The following PGAP1 variants were observed in gnomAD, a reference collection of about 807,000 sequenced individuals.
PGAP1 encodes the protein post-GPI attachment to proteins inositol deacylase 1, also known as GPI inositol-deacylase.
In PGAP1, 76 loss-of-function variants were observed where a neutral mutation model predicts 127.0. That is an observed-to-expected ratio of 0.60 (90% CI 0.50 to 0.72). The LOEUF (loss-of-function observed/expected upper bound fraction) is 0.72. Among genes scored for constraint, PGAP1 ranks in the 30% least tolerant of loss-of-function variants. The pLI is 0.00. For missense variants in PGAP1, 982 were observed against 1,071.3 expected (o/e 0.92, Z 1.16); for synonymous variants, 362 against 366.5 (o/e 0.99, Z 0.14).
At chr2:196,878,846 T>C (rs185001854) in intron 13 of PGAP1, among the ~76,000 whole-genome samples, 1 of 152,340 alleles carries the variant, frequency 6.6e-6, no homozygotes, top group Admixed American at 6.5e-5. Flanking sequence ...GCTCTGTTGC[T>C]TTGTCTAAAC....
chr2:196,904,003 A>C (rs1263085646), intron 4 of PGAP1, among the ~76,000 whole-genome samples: 5 of 152,222 alleles, frequency 3.3e-5, no homozygotes, highest in Non-Finnish European at 7.3e-5. Flanking sequence ...GACTCTTAAC[A>C]TCTGGAGAGC....
intron 12 of PGAP1, among the ~76,000 whole-genome samples, chr2:196,881,713 A>G (rs1289774384): frequency 2.6e-5 from 4 of 151,764 alleles, no homozygotes; most frequent in Non-Finnish European, 4.4e-5. Flanking sequence ...TTTTTAATGA[A>G]TTGTTTTTAT....
At chr2:196,857,678 G>A (rs1281837083) in intron 20 of PGAP1, among the ~76,000 whole-genome samples, 1 of 152,192 alleles carries the variant, frequency 6.6e-6, no homozygotes, top group African/African-American at 2.4e-5. Flanking sequence ...AGGCTAAGAA[G>A]AGAGAGTTCT....
chr2:196,841,121 A>G lies in PGAP1; in HGVS notation c.*113T>C. The G allele has an allele frequency of 8.9e-7, 1 of 1,125,224 alleles. No homozygotes were observed. Among genetic ancestry groups the G allele is most frequent in the Non-Finnish European group, 1.2e-6 (1 of 804,026 alleles). The allele number at this position is 1,125,224 out of a possible 1,614,324, so 69.7% of individuals were successfully genotyped here. A position where few individuals can be genotyped will look rare whatever the true frequency, so the allele number is the denominator to read the frequency against. ...ATTTCCTATTTTCAATATTGTAAAAATAGACTTGTCTTCTCCAAAGGATCT... is the reference window on the plus strand; with the variant it reads ...ATTTCCTATTTTCAATATTGTAAAAGTAGACTTGTCTTCTCCAAAGGATCT... On this transcript the variant is annotated 3_prime_UTR_variant, in exon 27 of 27. Coordinates refer to ENST00000354764, the MANE Select transcript of PGAP1 (RefSeq NM_024989.4).
intron 20 of PGAP1, 100 bp from the exon 21 acceptor site, chr2:196,848,137 AAAGT>A: frequency 4.5e-6 from 3 of 665,896 alleles, no homozygotes. Context: ...TATGTCAGAG[AAAGT>A]AAGGGTCTTC....
intron 21 of PGAP1, 147 bp downstream of exon 21, chr2:196,847,800 C>A: frequency 3.8e-6 from 2 of 524,026 alleles, no homozygotes; most frequent in Non-Finnish European, 6.6e-6. Flanking sequence ...ACTTATTAGA[C>A]CTTTGCCTAA....
At chr2:196,867,717 C>T (rs1701287082) in intron 19 of PGAP1, among the ~76,000 whole-genome samples, 1 of 152,062 alleles carries the variant, frequency 6.6e-6, no homozygotes, top group African/African-American at 2.4e-5. Context: ...TTTTTTAGAA[C>T]ATGTATAGAC....
Position 196,902,747 on chromosome 2 carries a change from T to TG in PGAP1, c.650-6dup. On this transcript the variant is annotated splice_polypyrimidine_tract_variant and splice_region_variant and intron_variant, in intron 4 of 26. Transcript: ENST00000354764. ...TGTTTACAGTCGTATAAAAATCTGG[T>TG]GGGGAATAAAAAAGAGACATTAAAA... 1 of 1,595,604 alleles carries TG rather than the reference T, an allele frequency of 6.3e-7. No individual in the cohort carries two copies. Among genetic ancestry groups the TG allele is most frequent in the Non-Finnish European group, 8.5e-7 (1 of 1,170,000 alleles).
chr2:196,919,005 T>C (rs1372834777), intron 2 of PGAP1, among the ~76,000 whole-genome samples: 1 of 152,142 alleles, frequency 6.6e-6, no homozygotes, highest in East Asian at 1.9e-4. Context: ...CTCTTTTTAC[T>C]TTCTCTAGTC....
rs745537521 is a variant in PGAP1 at position 196,870,999 on chromosome 2, GA to G, written c.1729-21del. The G allele has an allele frequency of 2.3e-5, 36 of 1,559,146 alleles. No homozygotes were observed. The highest frequency in any genetic ancestry group is 5.2e-5 in the Admixed American group (3 of 58,198). Reference sequence around the variant, plus strand: ...TGTCACCTAGTTTAAAACAATTATTGAAAAAAAAGGTTATTTTCCTCTAAAC... The same window carrying G: ...TGTCACCTAGTTTAAAACAATTATTGAAAAAAAGGTTATTTTCCTCTAAAC... On this transcript the variant is annotated intron_variant, in intron 18 of 26. Transcript: ENST00000354764.
At chr2:196,873,660 T>G in intron 15 of PGAP1, 25 bp downstream of exon 15, 1 of 1,600,704 alleles carries the variant, frequency 6.2e-7, no homozygotes, top group Non-Finnish European at 8.6e-7. Context: ...ATCAAATCCT[T>G]TTTCTTGTAG....
In PGAP1 at chr2:196,834,532, T is replaced by C. The variant is rs1439138270; in HGVS notation, c.*6702A>G. On this transcript the variant is annotated 3_prime_UTR_variant, in exon 27 of 27. Coordinates refer to ENST00000354764, the MANE Select transcript of PGAP1 (RefSeq NM_024989.4). ...ATATATATTCAATTTTGGTCTGGTTTCTCATGGGTATGTTGTTATATTTAT... is the reference window on the plus strand; with the variant it reads ...ATATATATTCAATTTTGGTCTGGTTCCTCATGGGTATGTTGTTATATTTAT... 6.6e-6 allele frequency: 1 copy of C among 152,460 alleles called. No individual in the cohort carries two copies. Among genetic ancestry groups the C allele is most frequent in the Non-Finnish European group, 1.5e-5 (1 of 67,894 alleles). 9.4% of individuals were successfully genotyped at this position (152,460 alleles called of 1,614,324 possible).
At chr2:196,924,817 T>C (rs1161251939) in intron 1 of PGAP1, among the ~76,000 whole-genome samples, 1 of 152,162 alleles carries the variant, frequency 6.6e-6, no homozygotes, top group African/African-American at 2.4e-5. Flanking sequence ...TATGCTTTGT[T>C]CCCAACGCTA....
At chr2:196,853,299 G>A (rs1333591146) in intron 20 of PGAP1, among the ~76,000 whole-genome samples, 4 of 152,204 alleles carry the variant, frequency 2.6e-5, no homozygotes, top group South Asian at 2.1e-4. Flanking sequence ...GCCTGAGGCC[G>A]AAATCTTCAT....
intron 14 of PGAP1, among the ~76,000 whole-genome samples, chr2:196,874,593 A>G (rs1005710489): frequency 1.3e-5 from 2 of 152,222 alleles, no homozygotes; most frequent in South Asian, 4.1e-4. Flanking sequence ...ACCTTAACCA[A>G]GAAAGGAAAA....
rs3835877 is a variant in PGAP1 at position 196,880,160 on chromosome 2, T to TA, written c.1273-8dup. Reference sequence around the variant, plus strand: ...GAAGTCTTAATGTCAGATACTAAAATAAAAAAAAAAGAAACTACTTTTATT... The same window carrying TA: ...GAAGTCTTAATGTCAGATACTAAAATAAAAAAAAAAAGAAACTACTTTTATT... On this transcript the variant is annotated splice_polypyrimidine_tract_variant and splice_region_variant and intron_variant, in intron 12 of 26. Coordinates refer to ENST00000354764, the MANE Select transcript of PGAP1 (RefSeq NM_024989.4). The TA allele has an allele frequency of 0.084, 113,034 of 1,339,650 alleles. 2,866 individuals are homozygous for TA. The highest frequency in any genetic ancestry group is 0.2 in the African/African-American group (13,052 of 64,226). 83.0% of individuals were successfully genotyped at this position (1,339,650 alleles called of 1,614,324 possible).
In PGAP1 at chr2:196,833,005, GC is replaced by G. The variant is rs1442900718; in HGVS notation, c.*8228del. 1 of 152,072 alleles carries G rather than the reference GC, an allele frequency of 6.6e-6. No individual in the cohort carries two copies. The highest frequency in any genetic ancestry group is 6.6e-5 in the Admixed American group (1 of 15,198). The allele number at this position is 152,072 out of a possible 1,614,324, so 9.4% of individuals were successfully genotyped here. A position where few individuals can be genotyped will look rare whatever the true frequency, so the allele number is the denominator to read the frequency against. On this transcript the variant is annotated 3_prime_UTR_variant, in exon 27 of 27. Coordinates refer to ENST00000354764, the MANE Select transcript of PGAP1 (RefSeq NM_024989.4). ...TTGGTAAGCAATCTTTTTACCATGT[GC>G]GTATTCAACCAAATTTATTTTTGAA... is the stretch of plus-strand genomic sequence containing the variant.
chr2:196,892,671 C>A (rs1460775291), intron 8 of PGAP1, among the ~76,000 whole-genome samples: 2 of 151,894 alleles, frequency 1.3e-5, no homozygotes, highest in African/African-American at 4.8e-5. Context: ...ATTTCCCAAA[C>A]AAGACACATA....
At chr2:196,864,114 G>A (rs1402206087) in intron 20 of PGAP1, among the ~76,000 whole-genome samples, 2 of 151,640 alleles carry the variant, frequency 1.3e-5, no homozygotes, top group Admixed American at 1.3e-4. Context: ...ATTTGAGGCC[G>A]GGTCCGGTGG....
Sources: allele counts gnomAD v4.1 joint callset (sites outside exome capture counted in the v4.1 genomes callset), GRCh38; gene constraint gnomAD v4.1.1; transcripts MANE v1.5; gene names NCBI Gene and HGNC (gene_info 2026-07-23, HGNC 2026-07-21).